The following PCDH11Y variants were observed in gnomAD, a reference collection of about 807,000 sequenced individuals.
PCDH11Y encodes the protein protocadherin 11 Y-linked, also known as protocadherin-11 Y-linked.
For missense variants in PCDH11Y, 12 were observed against 224.8 expected (o/e 0.05, Z 6.05); for synonymous variants, 9 against 83.6 (o/e 0.11, Z 4.87).
At chrY:5,375,354 A>AT (rs2053196840) in intron 2 of PCDH11Y, among the ~76,000 whole-genome samples, 56 of 26,060 alleles carry the variant, frequency 2.1e-3, no homozygotes, top group African/African-American at 6.1e-3. Flanking sequence ...TTTTTCATCC[A>AT]TTTTTTTTTT....
At chrY:5,327,549 G>A (rs2053123763) in intron 2 of PCDH11Y, among the ~76,000 whole-genome samples, 1 of 32,961 alleles carries the variant, frequency 3.0e-5, no homozygotes, top group Admixed American at 2.8e-4. Context: ...CGTTGAGCGG[G>A]GTAAGGGTGA....
intron 4 of PCDH11Y, among the ~76,000 whole-genome samples, chrY:5,727,861 CA>C (rs2053599887): frequency 6.1e-5 from 2 of 32,576 alleles, no homozygotes; most frequent in African/African-American, 2.4e-4. Flanking sequence ...ATGTATCTAT[CA>C]CCATTTTCAT....
At chrY:5,177,714 G>A (rs1389884451) in intron 2 of PCDH11Y, among the ~76,000 whole-genome samples, 1 of 32,194 alleles carries the variant, frequency 3.1e-5, no homozygotes, top group Non-Finnish European at 7.6e-5. Flanking sequence ...GACTGGGAAG[G>A]TAGTAGGGAG....
chrY:5,241,689 G>T (rs2052988325), intron 2 of PCDH11Y, among the ~76,000 whole-genome samples: 2 of 24,835 alleles, frequency 8.1e-5, no homozygotes, highest in Admixed American at 8.3e-4. Flanking sequence ...AAGGTTTGTG[G>T]ATTCCCAAAT....
chrY:5,032,770 C>T (rs1244389333), intron 3 of PCDH11Y: 1 of 322,398 alleles, frequency 3.1e-6, no homozygotes. Flanking sequence ...GTCTCCTTTC[C>T]TCTGGGTCTT....
intron 2 of PCDH11Y, among the ~76,000 whole-genome samples, chrY:5,315,110 G>C (rs2053105715): frequency 3.0e-5 from 1 of 32,892 alleles, no homozygotes; most frequent in Non-Finnish European, 7.5e-5. Flanking sequence ...ATTTTAAAAT[G>C]ACATGAATTT....
intron 2 of PCDH11Y, among the ~76,000 whole-genome samples, chrY:5,343,137 G>A: frequency 3.0e-5 from 1 of 32,944 alleles, no homozygotes. Context: ...GTATAAACAC[G>A]TATCTTTTCA....
chrY:5,545,760 T>G lies in PCDH11Y; in HGVS notation c.3329-36015T>G, dbSNP rs2053412478. On this transcript the variant is annotated intron_variant, in intron 3 of 4. Coordinates refer to the PCDH11Y transcript ENST00000400457. ...TAAATAAATTCTACCAGAAAATAAC[T>G]GTGATTTCCATGGGCACTCTGTTAA... Among the ~76,000 whole-genome samples the G allele has an allele frequency of 9.2e-5, 3 of 32,502 alleles. No homozygotes were observed. The South Asian group carries it at 2.0e-3, about 22-fold the overall frequency. 87.2% of individuals were successfully genotyped at this position (32,502 alleles called of 37,273 possible). A position where few individuals can be genotyped will look rare whatever the true frequency, so the allele number is the denominator to read the frequency against.
chrY:5,488,539 T>TC, intron 2 of PCDH11Y, among the ~76,000 whole-genome samples: 1 of 33,209 alleles, frequency 3.0e-5, no homozygotes, highest in African/African-American at 1.2e-4. Context: ...CAGATAATTT[T>TC]CCAGTAAGGA....
At position 5,061,844 on chromosome Y, in the gene PCDH11Y, G is replaced by A. The variant is rs368558585; in HGVS notation, c.636+4385G>A. Among the ~76,000 whole-genome samples, 94 of 33,416 alleles carry A rather than the reference G, an allele frequency of 2.8e-3. No individual in the cohort carries two copies. In the South Asian group the frequency reaches 0.063, roughly 22 times the overall value. 89.7% of individuals were successfully genotyped at this position (33,416 alleles called of 37,273 possible). On this transcript the variant is annotated intron_variant, in intron 1 of 1. Transcript: ENST00000215473. ...CCCATCCCATAAGGCATCCTCATCT[G>A]TTCCATGAATCTCAAAAGATCATTT...
intron 2 of PCDH11Y, among the ~76,000 whole-genome samples, chrY:5,301,489 T>C (rs2053082097): frequency 2.9e-5 from 1 of 33,978 alleles, no homozygotes; most frequent in Non-Finnish European, 7.4e-5. Flanking sequence ...ATGCTGGAAG[T>C]ATGTGTTAAA....
chrY:5,205,495 A>T (rs2052930513), intron 2 of PCDH11Y, among the ~76,000 whole-genome samples: 1 of 25,884 alleles, frequency 3.9e-5, no homozygotes, highest in Non-Finnish European at 8.6e-5. Flanking sequence ...ATATATATAT[A>T]TACTGAATAT....
chrY:5,526,745 A>T, intron 3 of PCDH11Y, among the ~76,000 whole-genome samples: 4 of 31,216 alleles, frequency 1.3e-4, no homozygotes. Flanking sequence ...TACTATGATA[A>T]TGTCAACTGA....
At chrY:5,617,896 GC>G (rs2053495354) in intron 4 of PCDH11Y, among the ~76,000 whole-genome samples, 1 of 31,293 alleles carries the variant, frequency 3.2e-5, no homozygotes, top group African/African-American at 1.2e-4. Context: ...TGAGGCTGTT[GC>G]AAACTATAAA....
chrY:5,096,688 A>ATTT (rs1451630867), intron 1 of PCDH11Y, among the ~76,000 whole-genome samples: 1 of 3,203 alleles, frequency 3.1e-4, no homozygotes, highest in Non-Finnish European at 5.3e-4. Flanking sequence ...CAGGGAGGGG[A>ATTT]TTTTTTTTTT....
At chrY:5,353,623 TA>T (rs2053162032) in intron 2 of PCDH11Y, among the ~76,000 whole-genome samples, 1 of 33,136 alleles carries the variant, frequency 3.0e-5, no homozygotes, top group Non-Finnish European at 7.4e-5. Flanking sequence ...TTCTTATTTT[TA>T]TTCAGTTTTC....
At chrY:5,679,583 G>T (rs2053556564) in intron 4 of PCDH11Y, among the ~76,000 whole-genome samples, 3 of 34,127 alleles carry the variant, frequency 8.8e-5, no homozygotes, top group African/African-American at 3.4e-4. Flanking sequence ...TGGCTACATT[G>T]AAAGACTCCA....
At chrY:5,622,658 C>T (rs2053501521) in intron 4 of PCDH11Y, among the ~76,000 whole-genome samples, 5 of 32,499 alleles carry the variant, frequency 1.5e-4, no homozygotes, top group South Asian at 1.4e-3. Flanking sequence ...TCAACCTAAA[C>T]GCCCATCAAT....
At chrY:5,626,596 G>T in intron 4 of PCDH11Y, among the ~76,000 whole-genome samples, 2 of 32,844 alleles carry the variant, frequency 6.1e-5, no homozygotes, top group Non-Finnish European at 1.5e-4. Context: ...AGAGATTCTG[G>T]TATATTTTAT....
Sources: gnomAD v4.1 joint callset for allele counts (sites outside exome capture counted in the v4.1 genomes callset) on GRCh38, gnomAD v4.1.1 for gene constraint, MANE v1.5 for transcripts, NCBI Gene and HGNC (gene_info 2026-07-23, HGNC 2026-07-21) for gene names.